The following BTBD10 variants were observed in gnomAD, a reference collection of about 807,000 sequenced individuals.
BTBD10 encodes BTB/POZ domain-containing protein 10.
Under a neutral mutation model 53.2 loss-of-function variants are expected in BTBD10, and 21 were observed. The observed-to-expected ratio is 0.39, with a 90% CI of 0.28 to 0.57. The LOEUF (loss-of-function observed/expected upper bound fraction) is 0.57, where lower values mean the gene tolerates loss of function less well. Ranked by LOEUF, BTBD10 falls within the 20% of genes least tolerant of loss-of-function variation. BTBD10 has a pLI of 0.53. For missense variants in BTBD10, 360 were observed against 594.7 expected (o/e 0.61, Z 4.10); for synonymous variants, 149 against 192.7 (o/e 0.77, Z 1.88).
chr11:13,408,837 C>T (rs1949881148), intron 6 of BTBD10, among the ~76,000 whole-genome samples: 1 of 152,184 alleles, frequency 6.6e-6, no homozygotes, highest in Non-Finnish European at 1.5e-5. Flanking sequence ...CCTAATTGAT[C>T]TATTTGCTTC....
Position 13,459,058 on chromosome 11 carries a change from A to T in BTBD10, c.-58+4034T>A, listed in dbSNP as rs867177581. ...TATTTATTTATTTTTTTATTTATTT[A>T]TTTTTTTTTTTTTTTTGAGACGGAG... On this transcript the variant is annotated intron_variant, in intron 1 of 8. Transcript: ENST00000278174. Among the ~76,000 whole-genome samples the T allele has an allele frequency of 1.8e-3, 243 of 135,338 alleles. 1 individual carries two copies. The highest frequency in any genetic ancestry group is 6.8e-3 in the South Asian group (30 of 4,402). The allele number at this position is 135,338 out of a possible 152,430, so 88.8% of individuals were successfully genotyped here. A position where few individuals can be genotyped will look rare whatever the true frequency, so the allele number is the denominator to read the frequency against.
At chr11:13,410,891 G>A (rs1403119234) in intron 6 of BTBD10, among the ~76,000 whole-genome samples, 1 of 152,042 alleles carries the variant, frequency 6.6e-6, no homozygotes, top group Non-Finnish European at 1.5e-5. Flanking sequence ...TGAATAAATG[G>A]GAAGACACAG....
chr11:13,413,764 T>C, intron 5 of BTBD10, 114 bp from the exon 6 acceptor site: 1 of 999,226 alleles, frequency 1.0e-6, no homozygotes, highest in Non-Finnish European at 1.4e-6. Flanking sequence ...CTCTGACATC[T>C]CTGAAATGTG....
chr11:13,435,257 T>C (rs890514405), intron 2 of BTBD10, among the ~76,000 whole-genome samples: 3 of 152,192 alleles, frequency 2.0e-5, no homozygotes, highest in Non-Finnish European at 4.4e-5. Flanking sequence ...GTGTATCTAC[T>C]GAATAGTCAT....
At chr11:13,394,874 A>C (rs977738519) in intron 8 of BTBD10, among the ~76,000 whole-genome samples, 1 of 151,850 alleles carries the variant, frequency 6.6e-6, no homozygotes, top group African/African-American at 2.4e-5. Context: ...ACATGAACTC[A>C]TCATTTTTTA....
At chr11:13,447,680 A>G (rs1232034987) in intron 1 of BTBD10, among the ~76,000 whole-genome samples, 1 of 152,212 alleles carries the variant, frequency 6.6e-6, no homozygotes, top group African/African-American at 2.4e-5. Context: ...ACAGCAAGCC[A>G]TAAGAAAGTA....
chr11:13,403,819 C>T (rs567041631), intron 7 of BTBD10, among the ~76,000 whole-genome samples: 21 of 152,304 alleles, frequency 1.4e-4, no homozygotes, highest in African/African-American at 5.1e-4. Context: ...CCATTTAATA[C>T]TGATGTTAAA....
At chr11:13,414,613 C>T (rs1950050403) in intron 5 of BTBD10, among the ~76,000 whole-genome samples, 1 of 151,898 alleles carries the variant, frequency 6.6e-6, no homozygotes, top group South Asian at 2.1e-4. Flanking sequence ...GAGATCGCGC[C>T]ACTGCACTCC....
At chr11:13,395,510 G>C (rs1949524420) in intron 8 of BTBD10, among the ~76,000 whole-genome samples, 1 of 152,130 alleles carries the variant, frequency 6.6e-6, no homozygotes. Context: ...TCTGATGGTG[G>C]TTTCTTTTGC....
intron 2 of BTBD10, among the ~76,000 whole-genome samples, chr11:13,443,309 G>A (rs1195400137): frequency 6.6e-6 from 1 of 150,946 alleles, no homozygotes; most frequent in Non-Finnish European, 1.5e-5. Flanking sequence ...CTATCAAGAA[G>A]AGCTTTGAGT....
intron 1 of BTBD10, among the ~76,000 whole-genome samples, chr11:13,456,053 T>A (rs1036413353): frequency 1.5e-4 from 23 of 152,204 alleles, no homozygotes; most frequent in African/African-American, 5.5e-4. Context: ...CCGAAAAGTT[T>A]AAGGAATCTA....
chr11:13,457,068 G>A (rs1950985164), intron 1 of BTBD10, among the ~76,000 whole-genome samples: 1 of 151,988 alleles, frequency 6.6e-6, no homozygotes, highest in Non-Finnish European at 1.5e-5. Flanking sequence ...AGGCTGAGGT[G>A]GGAGGATCAC....
intron 8 of BTBD10, among the ~76,000 whole-genome samples, chr11:13,399,593 G>A (rs568294607): frequency 6.6e-6 from 1 of 152,328 alleles, no homozygotes; most frequent in African/African-American, 2.4e-5. Flanking sequence ...CTGGTGAGGA[G>A]CTGCATTCCT....
At chr11:13,410,366 G>GA (rs1348545966) in intron 6 of BTBD10, among the ~76,000 whole-genome samples, 1 of 152,012 alleles carries the variant, frequency 6.6e-6, no homozygotes, top group African/African-American at 2.4e-5. Context: ...GGAGAGTCAA[G>GA]AAAAAATGAG....
chr11:13,438,850 T>C (rs1950594207), intron 2 of BTBD10, among the ~76,000 whole-genome samples: 1 of 151,976 alleles, frequency 6.6e-6, no homozygotes, highest in African/African-American at 2.4e-5. Flanking sequence ...TCCTATAAAG[T>C]ATAAGATTAA....
At chr11:13,395,722 G>T (rs1037924686) in intron 8 of BTBD10, among the ~76,000 whole-genome samples, 1 of 152,160 alleles carries the variant, frequency 6.6e-6, no homozygotes, top group African/African-American at 2.4e-5. Context: ...TGTATAAGGT[G>T]TAAGGAAGGG....
intron 3 of BTBD10, among the ~76,000 whole-genome samples, 181 bp downstream of exon 3, chr11:13,421,461 G>T (rs1256652552): frequency 1.3e-5 from 2 of 152,090 alleles, no homozygotes; most frequent in African/African-American, 4.8e-5. Flanking sequence ...TGTTAACTTT[G>T]CATTTAATTA....
intron 8 of BTBD10, among the ~76,000 whole-genome samples, chr11:13,401,175 A>G (rs913321540): frequency 7.3e-5 from 11 of 151,088 alleles, no homozygotes; most frequent in African/African-American, 2.7e-4. Flanking sequence ...ATAATGTACT[A>G]TTTTAAATGA....
At chr11:13,458,096 G>A (rs1228848365) in intron 1 of BTBD10, among the ~76,000 whole-genome samples, 1 of 124,566 alleles carries the variant, frequency 8.0e-6, no homozygotes, top group Non-Finnish European at 1.6e-5. Flanking sequence ...GAGCCCAGAA[G>A]TTCAAGGTCA....
Sources: allele counts gnomAD v4.1 joint callset (sites outside exome capture counted in the v4.1 genomes callset), GRCh38; gene constraint gnomAD v4.1.1; transcripts MANE v1.5; gene names NCBI Gene and HGNC (gene_info 2026-07-23, HGNC 2026-07-21).